UBE2U: variants seen among roughly 807,000 people sequenced by gnomAD.
UBE2U encodes ubiquitin conjugating enzyme E2 U, also known as ubiquitin-conjugating enzyme E2 U.
UBE2U carries 39 observed loss-of-function variants against 41.2 expected under a neutral mutation model. That is an observed-to-expected ratio of 0.95 (90% confidence interval 0.73 to 1.24). UBE2U has a LOEUF of 1.24. UBE2U is among the 50% of genes most tolerant of loss of function. The probability of loss-of-function intolerance (pLI) is 0.00; values close to 1 mark genes in which losing one functional copy is unlikely to be tolerated. For synonymous variants in UBE2U, 107 were observed against 117.8 expected (o/e 0.91, Z 0.60); for missense variants, 336 against 363.1 (o/e 0.93, Z 0.61).
chr1:64,211,968 T>C (rs923434485), intron 4 of UBE2U, among the ~76,000 whole-genome samples: 2 of 149,062 alleles, frequency 1.3e-5, no homozygotes, highest in Non-Finnish European at 3.0e-5. Context: ...TATAGAATTA[T>C]AATATAAATT....
intron 6 of UBE2U, among the ~76,000 whole-genome samples, chr1:64,222,091 C>CAA (rs10632119): frequency 0.41 from 40,041 of 97,656 alleles, 9,177 homozygotes; most frequent in Non-Finnish European, 0.52. Context: ...GACTCCATCT[C>CAA]AAAAAAAAAA....
intron 5 of UBE2U, chr1:64,215,588 A>G (rs1331480589): frequency 6.6e-6 from 1 of 152,188 alleles, no homozygotes; most frequent in Non-Finnish European, 1.5e-5. Flanking sequence ...CACCTGCAGT[A>G]CTCCAGATCT....
At chr1:64,220,358 A>T (rs1227386019) in intron 5 of UBE2U, among the ~76,000 whole-genome samples, 1 of 152,104 alleles carries the variant, frequency 6.6e-6, no homozygotes, top group Non-Finnish European at 1.5e-5. Flanking sequence ...GATATGATTT[A>T]TTCCATTTTC....
chr1:64,256,671 TGA>T (rs1645097178), intron 8 of UBE2U, among the ~76,000 whole-genome samples: 1 of 151,926 alleles, frequency 6.6e-6, no homozygotes, highest in Non-Finnish European at 1.5e-5. Context: ...AAACCCTAGA[TGA>T]AAATCTAGGC....
Position 64,224,922 on chromosome 1 carries a change from G to A in UBE2U, c.506+4015G>A, listed in dbSNP as rs369639383. On this transcript the variant is annotated intron_variant, in intron 6 of 9. Coordinates refer to ENST00000371077, the MANE Select transcript of UBE2U (RefSeq NM_001366232.2). Reference sequence around the variant, plus strand: ...TGAAAAGAGTGCCTTATAAAATACTGTATAGGATATTATCACACACACACA... The same window carrying A: ...TGAAAAGAGTGCCTTATAAAATACTATATAGGATATTATCACACACACACA... Among the ~76,000 whole-genome samples the A allele has an allele frequency of 2.8e-4, 40 of 140,772 alleles. 1 individual carries two copies. The highest frequency in any genetic ancestry group is 6.9e-3 in the Middle Eastern group (2 of 290). The allele number at this position is 140,772 out of a possible 152,430, so 92.4% of individuals were successfully genotyped here.
At chr1:64,225,618 CA>C (rs1192093169) in intron 6 of UBE2U, among the ~76,000 whole-genome samples, 15 of 152,288 alleles carry the variant, frequency 9.8e-5, no homozygotes, top group East Asian at 5.8e-4. Context: ...TTTGGTTGAT[CA>C]GGGGCAAGAC....
chr1:64,220,726 G>C, intron 5 of UBE2U, 133 bp from the exon 6 acceptor site: 1 of 685,410 alleles, frequency 1.5e-6, no homozygotes, highest in Non-Finnish European at 2.4e-6. Context: ...TCTTTCTTTT[G>C]CTCTCCTTGA....
chr1:64,239,124 A>AAGGAGAAGGAGAAGG (rs1557730141), intron 7 of UBE2U, among the ~76,000 whole-genome samples: 2 of 22,474 alleles, frequency 8.9e-5, no homozygotes, highest in African/African-American at 4.0e-4. Context: ...GAAGAAGAAG[A>AAGGAGAAGGAGAAGG]AGAAGAAGAA....
intron 8 of UBE2U, among the ~76,000 whole-genome samples, chr1:64,258,715 C>T (rs899400510): frequency 3.3e-5 from 5 of 152,202 alleles, no homozygotes; most frequent in African/African-American, 1.2e-4. Context: ...TTAATCCAGT[C>T]TATCATAGAT....
Position 64,267,308 on chromosome 1 carries a change from T to G in UBE2U, c.*100T>G. The G allele has an allele frequency of 9.9e-7, 1 of 1,014,194 alleles. No individual in the cohort carries two copies. Among genetic ancestry groups the G allele is most frequent in the Non-Finnish European group, 1.4e-6 (1 of 723,058 alleles). 62.8% of individuals were successfully genotyped at this position (1,014,194 alleles called of 1,614,324 possible). A position where few individuals can be genotyped will look rare whatever the true frequency, so the allele number is the denominator to read the frequency against. ...CTCAGAACTTGGATTTCATTTTTTT[T>G]AAGTTGTTCTCACCCACTCACTGCA... is the stretch of plus-strand genomic sequence containing the variant. On this transcript the variant is annotated 3_prime_UTR_variant, in exon 10 of 10. Transcript: ENST00000371077.
At chr1:64,205,213 A>G (rs886404203) in intron 1 of UBE2U, among the ~76,000 whole-genome samples, 2 of 152,140 alleles carry the variant, frequency 1.3e-5, no homozygotes, top group Non-Finnish European at 2.9e-5. Flanking sequence ...GTAATTTTGG[A>G]TTTTTTCTTA....
chr1:64,222,091 C>CAAAAAAAA (rs10632119), intron 6 of UBE2U, among the ~76,000 whole-genome samples: 5 of 98,022 alleles, frequency 5.1e-5, no homozygotes, highest in Non-Finnish European at 7.9e-5. Context: ...GACTCCATCT[C>CAAAAAAAA]AAAAAAAAAA....
chr1:64,229,797 T>C (rs768316381), intron 6 of UBE2U, among the ~76,000 whole-genome samples: 37 of 152,224 alleles, frequency 2.4e-4, no homozygotes, highest in Admixed American at 3.9e-4. Context: ...TTCTGCTCTT[T>C]CTTTTCAAAA....
At chr1:64,245,726 A>G (rs1159238037) in intron 8 of UBE2U, among the ~76,000 whole-genome samples, 1 of 151,948 alleles carries the variant, frequency 6.6e-6, no homozygotes, top group African/African-American at 2.4e-5. Context: ...ATCAACCTGT[A>G]CTCCAAGTCA....
chr1:64,239,885 A>C (rs1198036172), intron 7 of UBE2U, among the ~76,000 whole-genome samples: 1 of 152,158 alleles, frequency 6.6e-6, no homozygotes, highest in African/African-American at 2.4e-5. Flanking sequence ...GTATACACCC[A>C]GTAATGGGAT....
chr1:64,210,275 A>G (rs1651585614), intron 3 of UBE2U, among the ~76,000 whole-genome samples: 1 of 152,226 alleles, frequency 6.6e-6, no homozygotes. Flanking sequence ...GCATATGCCA[A>G]GCTCCTGTAC....
intron 8 of UBE2U, among the ~76,000 whole-genome samples, chr1:64,256,078 C>G (rs1557747498): frequency 1.3e-5 from 2 of 151,936 alleles, no homozygotes; most frequent in Admixed American, 6.6e-5. Flanking sequence ...AGTGAAGGAC[C>G]TCTTCACAGA....
chr1:64,221,623 G>A (rs1371694954), intron 6 of UBE2U, among the ~76,000 whole-genome samples: 2 of 152,154 alleles, frequency 1.3e-5, no homozygotes, highest in Non-Finnish European at 2.9e-5. Context: ...ACAAGGTATA[G>A]GCCTAGAAAC....
chr1:64,209,938 G>A (rs1651563695), intron 3 of UBE2U, among the ~76,000 whole-genome samples: 1 of 151,988 alleles, frequency 6.6e-6, no homozygotes, highest in Admixed American at 6.5e-5. Context: ...TTCTTATTTT[G>A]TGACTCGTAT....
Sources: allele counts gnomAD v4.1 joint callset (sites outside exome capture counted in the v4.1 genomes callset), GRCh38; gene constraint gnomAD v4.1.1; transcripts MANE v1.5; gene names NCBI Gene and HGNC (gene_info 2026-07-23, HGNC 2026-07-21).